The following KCNS3 variants were observed in gnomAD, a reference collection of about 807,000 sequenced individuals.
The protein encoded by KCNS3 is potassium voltage-gated channel modifier subfamily S member 3, also known as delayed-rectifier potassium channel regulatory subunit KCNS3.
A neutral mutation model predicts 31.0 loss-of-function variants in KCNS3; 13 were observed. That is an observed-to-expected ratio of 0.42 (90% CI 0.27 to 0.67). KCNS3 has a LOEUF of 0.67. Ranked by LOEUF, KCNS3 falls within the 30% of genes least tolerant of loss-of-function variation. KCNS3 has a pLI of 0.25. For synonymous variants in KCNS3, 238 were observed against 241.5 expected, an observed-to-expected ratio of 0.99 and a Z score of 0.13; for missense variants, 545 against 622.4, an observed-to-expected ratio of 0.88 and a Z score of 1.32.
chr2:17,904,498 C>T (rs1470884587), intron 1 of KCNS3, among the ~76,000 whole-genome samples: 5 of 151,968 alleles, frequency 3.3e-5, no homozygotes, highest in African/African-American at 1.2e-4. Context: ...CTTTTGTTGC[C>T]ATTGCTTTTG....
Position 17,931,979 on chromosome 2 carries a change from T to C in KCNS3, c.971T>C (p.Val324Ala), listed in dbSNP as rs1461065712. ...ACACTGAGACACAGCTACCATGAAG[T>C]TGGGCTTCTGCTTCTCTTCCTCTCT... ...GATLRHSYHE[V>A]GLLLLFLSVG... The change falls in exon 3 of 3, where the codon GTT (valine) becomes GCT (alanine). Residue 324 changes from valine to alanine, a missense_variant. By Grantham distance (64) the Val-to-Ala change is moderately conservative. Coordinates refer to ENST00000304101, the MANE Select transcript of KCNS3 (RefSeq NM_002252.5). This position sits in a 1 kb window ranked among gnomAD's most constrained non-coding sequence, Gnocchi z 5.4. 6.8e-6 allele frequency: 11 copies of C among 1,614,116 alleles called. No homozygotes were observed. The highest frequency in any genetic ancestry group is 9.3e-6 in the Non-Finnish European group (11 of 1,180,020).
Position 17,931,576 on chromosome 2 carries a change from T to C in KCNS3, c.568T>C (p.Ser190Pro), listed in dbSNP as rs766131829. The change falls in exon 3 of 3, where the codon TCC becomes CCC. Residue 190 changes from serine to proline, a missense_variant. Transcript: ENST00000304101. The surrounding 1 kb of genome is among the most constrained non-coding windows in gnomAD (Gnocchi z 5.4). ...YCLSAKLIAISSLSVVLASIV... is the reference protein window; with the variant it reads ...YCLSAKLIAIPSLSVVLASIV... ...CCTGTCCGCTAAGCTTATCGCTATC[T>C]CCTCCTTGAGCGTGGTGCTGGCCTC... 1 of 1,614,158 alleles carries C rather than the reference T, an allele frequency of 6.2e-7. No homozygotes were observed. Among genetic ancestry groups the C allele is most frequent in the South Asian group, 1.1e-5 (1 of 91,078 alleles).
intron 1 of KCNS3, among the ~76,000 whole-genome samples, chr2:17,893,796 G>A (rs1465859636): frequency 3.9e-5 from 6 of 152,012 alleles, no homozygotes; most frequent in African/African-American, 1.2e-4. Flanking sequence ...GGAGCAGTCC[G>A]CTTCCTTCAG....
chr2:17,887,188 G>T (rs905257203), intron 1 of KCNS3, among the ~76,000 whole-genome samples: 1 of 152,064 alleles, frequency 6.6e-6, no homozygotes, highest in African/African-American at 2.4e-5. Flanking sequence ...CTTTAGTGGT[G>T]ATTCGTGAGA....
In KCNS3 at chr2:17,931,042, C is replaced by T. The variant is rs766324986; in HGVS notation, c.34C>T (p.Gln12Ter). The T allele has an allele frequency of 6.2e-7, 1 of 1,614,028 alleles. No homozygotes were observed. Among genetic ancestry groups the T allele is most frequent in the South Asian group, 1.1e-5 (1 of 91,066 alleles). ...VFGEFFHRPG[Q>*]DEELVNLNVG... is the part of the protein sequence containing the mutation. ...TGGTGAGTTTTTCCATCGCCCTGGA[C>T]AAGACGAGGAACTTGTCAACCTGAA... Residue 12 changes from glutamine to a stop codon, truncating the protein, a stop_gained, in exon 3 of 3, where the codon CAA becomes TAA. Transcript: ENST00000304101. LOFTEE classifies it high-confidence loss of function. The surrounding 1 kb of genome is among the most constrained non-coding windows in gnomAD (Gnocchi z 5.4).
chr2:17,904,025 G>A (rs9752110), intron 1 of KCNS3, among the ~76,000 whole-genome samples: 97,907 of 151,556 alleles, frequency 0.65, 33,057 homozygotes, highest in Non-Finnish European at 0.77. Context: ...TCCCTGAGGA[G>A]TCGCCACACT....
At chr2:17,920,503 T>C (rs78254649) in intron 2 of KCNS3, among the ~76,000 whole-genome samples, 4,527 of 152,282 alleles carry the variant, frequency 0.03, 86 homozygotes, top group Non-Finnish European at 0.042. Context: ...AGGGTGCCAG[T>C]TGGAGACAAC....
intron 1 of KCNS3, among the ~76,000 whole-genome samples, chr2:17,909,078 G>C (rs1178416949): frequency 6.6e-6 from 1 of 152,230 alleles, no homozygotes; most frequent in Non-Finnish European, 1.5e-5. Flanking sequence ...GAGGCAGGCA[G>C]GCCTCCTTGA....
chr2:17,929,300 A>G (rs892491789), intron 2 of KCNS3, among the ~76,000 whole-genome samples: 1 of 152,220 alleles, frequency 6.6e-6, no homozygotes, highest in Non-Finnish European at 1.5e-5. Context: ...TGCAGGCTGT[A>G]CAGGAGGCAT....
At chr2:17,907,849 C>G (rs1232371600) in intron 1 of KCNS3, among the ~76,000 whole-genome samples, 1 of 152,182 alleles carries the variant, frequency 6.6e-6, no homozygotes, top group Non-Finnish European at 1.5e-5. Context: ...TGATGGGTTT[C>G]CCTTTGTGGG....
chr2:17,912,010 C>A (rs1347112419), intron 1 of KCNS3, among the ~76,000 whole-genome samples: 1 of 152,186 alleles, frequency 6.6e-6, no homozygotes, highest in Non-Finnish European at 1.5e-5. Flanking sequence ...ATTATTTCAG[C>A]ATTTTTAATG....
chr2:17,930,878 AG>A, intron 2 of KCNS3, 71 bp from the exon 3 acceptor site: 2 of 956,442 alleles, frequency 2.1e-6, no homozygotes, highest in South Asian at 3.6e-5. Context: ...CCTCCTGGAA[AG>A]GGCAGATTAA....
chr2:17,922,862 A>C (rs1662749129), intron 2 of KCNS3, among the ~76,000 whole-genome samples: 1 of 152,208 alleles, frequency 6.6e-6, no homozygotes, highest in Admixed American at 6.5e-5. Context: ...ATGGACATTT[A>C]GATTATCTCC....
intron 1 of KCNS3, among the ~76,000 whole-genome samples, chr2:17,904,584 T>C (rs1378947810): frequency 3.3e-5 from 5 of 152,290 alleles, no homozygotes; most frequent in African/African-American, 7.2e-5. Flanking sequence ...AGGGTTTTTA[T>C]GGTTTTAGGT....
chr2:17,929,322 C>T (rs181868692), intron 2 of KCNS3, among the ~76,000 whole-genome samples: 12 of 152,236 alleles, frequency 7.9e-5, no homozygotes, highest in African/African-American at 2.9e-4. Context: ...GCTGGGGAGG[C>T]CTCAGGAAAT....
At chr2:17,897,198 A>G (rs1445403010) in intron 1 of KCNS3, among the ~76,000 whole-genome samples, 1 of 152,196 alleles carries the variant, frequency 6.6e-6, no homozygotes, top group Non-Finnish European at 1.5e-5. Flanking sequence ...CTTTAGCTGC[A>G]TTCATGTTGC....
intron 2 of KCNS3, among the ~76,000 whole-genome samples, chr2:17,918,506 A>G (rs1662639999): frequency 6.6e-6 from 1 of 152,180 alleles, no homozygotes; most frequent in Admixed American, 6.5e-5. Flanking sequence ...ACCATCCCCA[A>G]CCATCTCATT....
chr2:17,880,435 T>C (rs957282713), intron 1 of KCNS3, among the ~76,000 whole-genome samples: 16 of 152,366 alleles, frequency 1.1e-4, no homozygotes, highest in Admixed American at 8.5e-4. Flanking sequence ...CAGCTTCCCT[T>C]CTTCTCTTGT....
At chr2:17,919,693 G>A (rs1662670363) in intron 2 of KCNS3, 1 of 152,268 alleles carries the variant, frequency 6.6e-6, no homozygotes, top group Non-Finnish European at 1.5e-5. Flanking sequence ...TGTGGCCCAT[G>A]CTGTCAGAAC....
Sources: allele counts gnomAD v4.1 joint callset (sites outside exome capture counted in the v4.1 genomes callset), GRCh38; gene constraint gnomAD v4.1.1; non-coding constraint Gnocchi (gnomAD v3.1); transcripts MANE v1.5; gene names NCBI Gene and HGNC (gene_info 2026-07-23, HGNC 2026-07-21).